The following FBXW7 variants were observed in gnomAD, a reference collection of about 807,000 sequenced individuals.
FBXW7 encodes F-box/WD repeat-containing protein 7.
A neutral mutation model predicts 86.3 loss-of-function variants in FBXW7; 11 were observed. The ratio of observed to expected loss-of-function variants is 0.13; its 90% CI spans 0.08 to 0.21. FBXW7 has a LOEUF of 0.21. Among genes scored for constraint, FBXW7 ranks in the 10% least tolerant of loss-of-function variants. The probability of loss-of-function intolerance (pLI) is 1.00; values close to 1 mark genes in which losing one functional copy is unlikely to be tolerated. For synonymous variants in FBXW7, 313 were observed against 297.9 expected (o/e 1.05, Z -0.52); for missense variants, 488 against 847.4 (o/e 0.58, Z 5.27).
At chr4:152,380,829 T>C (rs974945076) in intron 4 of FBXW7, among the ~76,000 whole-genome samples, 13 of 152,094 alleles carry the variant, frequency 8.5e-5, no homozygotes, top group African/African-American at 2.9e-4. Context: ...CAATTTTTAA[T>C]TTTATTTGTA....
In FBXW7 at chr4:152,535,893, A is replaced by G; in HGVS notation, c.-979T>C. On this transcript the variant is annotated 5_prime_UTR_variant, in exon 1 of 14. Coordinates refer to ENST00000281708, the MANE Select transcript of FBXW7 (RefSeq NM_001349798.2). ...CCGGCCGGGAAGGTGAGGGGGGGAAAGGAGTGCGGCCGCGGCTCCCGCTGG... is the reference window on the plus strand; with the variant it reads ...CCGGCCGGGAAGGTGAGGGGGGGAAGGGAGTGCGGCCGCGGCTCCCGCTGG... 1 of 365,290 alleles carries G rather than the reference A, an allele frequency of 2.7e-6. No individual in the cohort carries two copies. The highest frequency in any genetic ancestry group is 4.0e-5 in the East Asian group (1 of 25,186). 22.6% of individuals were successfully genotyped at this position (365,290 alleles called of 1,614,324 possible).
chr4:152,442,516 C>G (rs1740985844), intron 2 of FBXW7, among the ~76,000 whole-genome samples: 1 of 152,200 alleles, frequency 6.6e-6, no homozygotes, highest in South Asian at 2.1e-4. Flanking sequence ...CTCATTAGGA[C>G]TGTAAACTCC....
chr4:152,419,333 T>C (rs762857687), intron 2 of FBXW7, among the ~76,000 whole-genome samples: 1 of 152,076 alleles, frequency 6.6e-6, no homozygotes, highest in Non-Finnish European at 1.5e-5. Flanking sequence ...TCAGGAAAAG[T>C]GAAGCTTAAT....
chr4:152,497,051 A>G (rs1235160135), intron 2 of FBXW7, among the ~76,000 whole-genome samples: 1 of 152,298 alleles, frequency 6.6e-6, no homozygotes. Flanking sequence ...GGCCGGGCAC[A>G]ATGGCTCACG....
At chr4:152,528,678 C>A (rs900306674) in intron 2 of FBXW7, among the ~76,000 whole-genome samples, 4 of 152,078 alleles carry the variant, frequency 2.6e-5, no homozygotes, top group African/African-American at 9.7e-5. Context: ...AGATATATAT[C>A]CCATAGTGTT....
chr4:152,358,606 T>C (rs982659708), intron 4 of FBXW7, among the ~76,000 whole-genome samples: 1 of 152,118 alleles, frequency 6.6e-6, no homozygotes, highest in Non-Finnish European at 1.5e-5. Context: ...TTCCTCTTTG[T>C]TTGTGGAATG....
intron 4 of FBXW7, among the ~76,000 whole-genome samples, chr4:152,357,067 A>C (rs992835935): frequency 6.6e-6 from 1 of 152,192 alleles, no homozygotes; most frequent in Non-Finnish European, 1.5e-5. Context: ...CATGTAAAAT[A>C]AAACAAGATG....
At chr4:152,431,274 T>C (rs558098925) in intron 2 of FBXW7, among the ~76,000 whole-genome samples, 34 of 152,306 alleles carry the variant, frequency 2.2e-4, no homozygotes, top group African/African-American at 7.9e-4. Flanking sequence ...CTGGCATTTA[T>C]TTGCATTTCA....
chr4:152,323,539 C>T (rs1479672984), intron 13 of FBXW7: 1 of 204,098 alleles, frequency 4.9e-6, no homozygotes, highest in East Asian at 1.2e-4. Context: ...CAAAGCTGAA[C>T]AGTCACTATT....
intron 2 of FBXW7, among the ~76,000 whole-genome samples, 150 bp downstream of exon 2, chr4:152,534,787 GCCTC>G (rs1341703961): frequency 2.6e-5 from 4 of 152,054 alleles, no homozygotes; most frequent in Admixed American, 2.0e-4. Flanking sequence ...CAAAATACAG[GCCTC>G]CCTAACACCT....
intron 4 of FBXW7, among the ~76,000 whole-genome samples, chr4:152,400,663 A>G (rs1560851261): frequency 6.6e-6 from 1 of 152,124 alleles, no homozygotes; most frequent in East Asian, 1.9e-4. Flanking sequence ...GACATTTTAG[A>G]TACAACAATA....
chr4:152,475,241 A>C (rs1744289559), intron 2 of FBXW7, among the ~76,000 whole-genome samples: 1 of 151,906 alleles, frequency 6.6e-6, no homozygotes, highest in Non-Finnish European at 1.5e-5. Flanking sequence ...CAGCCTGTGA[A>C]CACAGCAAGA....
intron 2 of FBXW7, among the ~76,000 whole-genome samples, chr4:152,522,984 T>C (rs1749161459): frequency 6.6e-6 from 1 of 152,240 alleles, no homozygotes; most frequent in African/African-American, 2.4e-5. Context: ...TGAAAAGTAG[T>C]ATTTTGAATC....
At chr4:152,401,569 T>G (rs554750403) in intron 4 of FBXW7, among the ~76,000 whole-genome samples, 6 of 152,190 alleles carry the variant, frequency 3.9e-5, no homozygotes, top group Non-Finnish European at 7.3e-5. Context: ...ACAGGACTTT[T>G]AAGGTAGTGA....
At chr4:152,340,826 C>G (rs1403750462) in intron 6 of FBXW7, among the ~76,000 whole-genome samples, 1 of 152,026 alleles carries the variant, frequency 6.6e-6, no homozygotes, top group Non-Finnish European at 1.5e-5. Context: ...GTAATTGAAA[C>G]TTAACATGTC....
intron 2 of FBXW7, among the ~76,000 whole-genome samples, chr4:152,413,430 A>T (rs1738152394): frequency 1.3e-5 from 2 of 152,132 alleles, no homozygotes. Flanking sequence ...TACTAATAAA[A>T]GAAATAGAAT....
chr4:152,382,329 T>C (rs1382082089), intron 4 of FBXW7: 2 of 1,571,134 alleles, frequency 1.3e-6, no homozygotes, highest in Non-Finnish European at 1.7e-6. Flanking sequence ...TTTCCCGGTT[T>C]TGACATTTTA....
intron 6 of FBXW7, among the ~76,000 whole-genome samples, chr4:152,342,631 C>T (rs1297275096): frequency 1.3e-5 from 2 of 152,206 alleles, no homozygotes; most frequent in African/African-American, 4.8e-5. Context: ...GAACTCACTT[C>T]TCTAGCACCT....
intron 4 of FBXW7, among the ~76,000 whole-genome samples, chr4:152,392,429 C>T (rs1430145251): frequency 6.6e-6 from 1 of 151,918 alleles, no homozygotes; most frequent in East Asian, 1.9e-4. Flanking sequence ...CAAACTAGCC[C>T]AGGTAAAAAG....
Sources: allele counts gnomAD v4.1 joint callset (sites outside exome capture counted in the v4.1 genomes callset), GRCh38; gene constraint gnomAD v4.1.1; transcripts MANE v1.5; gene names NCBI Gene and HGNC (gene_info 2026-07-23, HGNC 2026-07-21).